The following PTPRO variants were observed in gnomAD, a reference collection of about 807,000 sequenced individuals.
PTPRO encodes the protein protein tyrosine phosphatase receptor type O, also known as receptor-type tyrosine-protein phosphatase O.
In PTPRO, 62 loss-of-function variants were observed where a neutral mutation model predicts 145.2. That is an observed-to-expected ratio of 0.43 (90% CI 0.35 to 0.53). The LOEUF is 0.53. Among genes scored for constraint, PTPRO ranks in the 20% least tolerant of loss-of-function variants. The pLI is 0.01. For synonymous variants in PTPRO, 565 were observed against 514.7 expected (o/e 1.10, Z -1.32); for missense variants, 1,345 against 1,482.7 (o/e 0.91, Z 1.53).
intron 1 of PTPRO, among the ~76,000 whole-genome samples, chr12:15,371,010 A>C (rs546896823): frequency 6.6e-6 from 1 of 152,330 alleles, no homozygotes; most frequent in East Asian, 1.9e-4. Context: ...TGCTAAACAA[A>C]AAAAATGGAT....
In PTPRO at chr12:15,569,475, T is replaced by C. The variant is rs1467069800; in HGVS notation, c.2806T>C (p.Tyr936His). 2 of 1,613,604 alleles carry C rather than the reference T, an allele frequency of 1.2e-6. No homozygotes were observed. The highest frequency in any genetic ancestry group is 1.7e-6 in the Non-Finnish European group (2 of 1,179,574). The part of the protein sequence containing the change: ...YIKDMAKDSD[Y>H]KFSLQFEELK... ...TAAGGATATGGCCAAAGACTCTGACTATAAATTTTCTCTTCAGTTTGAGGT... is the reference window on the plus strand; with the variant it reads ...TAAGGATATGGCCAAAGACTCTGACCATAAATTTTCTCTTCAGTTTGAGGT... The change falls in exon 19 of 27, where the codon TAT becomes CAT. Residue 936 changes from tyrosine to histidine, a missense_variant. By Grantham distance (83) the Tyr-to-His change is moderately conservative (BLOSUM62 2). Coordinates refer to ENST00000281171, the MANE Select transcript of PTPRO (RefSeq NM_030667.3).
chr12:15,491,966 A>T (rs1430207890), intron 2 of PTPRO, among the ~76,000 whole-genome samples: 2 of 152,076 alleles, frequency 1.3e-5, no homozygotes, highest in African/African-American at 4.8e-5. Flanking sequence ...ACAAACAAAC[A>T]AAAACATACA....
chr12:15,330,405 CAT>C (rs1028922641), intron 1 of PTPRO, among the ~76,000 whole-genome samples: 1 of 152,122 alleles, frequency 6.6e-6, no homozygotes, highest in African/African-American at 2.4e-5. Flanking sequence ...CTCAAGATAA[CAT>C]GTGTGCTGGA....
intron 12 of PTPRO, among the ~76,000 whole-genome samples, chr12:15,538,870 G>A (rs1008645864): frequency 5.9e-5 from 9 of 152,150 alleles, no homozygotes; most frequent in Admixed American, 2.6e-4. Context: ...TGTTACCATA[G>A]CAAAGTAACT....
At chr12:15,364,324 A>G (rs975985086) in intron 1 of PTPRO, among the ~76,000 whole-genome samples, 2 of 152,174 alleles carry the variant, frequency 1.3e-5, no homozygotes, top group Non-Finnish European at 2.9e-5. Context: ...TTATTACAGA[A>G]TTGGTAAATT....
At chr12:15,464,578 A>G (rs1941376222) in intron 1 of PTPRO, among the ~76,000 whole-genome samples, 1 of 150,458 alleles carries the variant, frequency 6.6e-6, no homozygotes, top group African/African-American at 2.4e-5. Flanking sequence ...TTGGCCAGGC[A>G]GGTCTCCTGA....
chr12:15,346,486 G>C (rs1449249375), intron 1 of PTPRO: 1 of 152,176 alleles, frequency 6.6e-6, no homozygotes, highest in East Asian at 1.9e-4. Flanking sequence ...TCTGCAGCTT[G>C]TTGGGCACAT....
At chr12:15,461,032 G>A (rs754424091) in intron 1 of PTPRO, among the ~76,000 whole-genome samples, 7 of 152,064 alleles carry the variant, frequency 4.6e-5, no homozygotes, top group Non-Finnish European at 1.0e-4. Flanking sequence ...GGAAGCTGGA[G>A]GTCAGACATG....
intron 1 of PTPRO, among the ~76,000 whole-genome samples, chr12:15,347,292 T>A (rs1202311937): frequency 6.6e-6 from 1 of 152,190 alleles, no homozygotes; most frequent in African/African-American, 2.4e-5. Context: ...TCAAGTGTAG[T>A]TGATTCTTTT....
intron 1 of PTPRO, among the ~76,000 whole-genome samples, chr12:15,362,556 A>T (rs1444800941): frequency 1.3e-5 from 2 of 152,200 alleles, no homozygotes; most frequent in Non-Finnish European, 2.9e-5. Context: ...ATATGATACA[A>T]TATTTACAGA....
At chr12:15,396,716 T>C (rs117157581) in intron 1 of PTPRO, among the ~76,000 whole-genome samples, 2,481 of 152,280 alleles carry the variant, frequency 0.016, 37 homozygotes, top group South Asian at 0.065. Context: ...GTATGGACTT[T>C]TATGATTCTA....
chr12:15,552,899 A>C (rs781221835), intron 15 of PTPRO, among the ~76,000 whole-genome samples: 2 of 143,414 alleles, frequency 1.4e-5, no homozygotes, highest in Non-Finnish European at 3.0e-5. Flanking sequence ...TCTCAGGTTC[A>C]AGCGATTCTT....
chr12:15,500,411 A>G (rs566807025), intron 4 of PTPRO, among the ~76,000 whole-genome samples: 1 of 152,318 alleles, frequency 6.6e-6, no homozygotes, highest in African/African-American at 2.4e-5. Flanking sequence ...TCATTATTCA[A>G]TGTAAGTAGA....
chr12:15,519,052 C>G (rs1209208605), intron 9 of PTPRO, among the ~76,000 whole-genome samples: 1 of 152,144 alleles, frequency 6.6e-6, no homozygotes, highest in Non-Finnish European at 1.5e-5. Context: ...AAAGACATAC[C>G]CAAGACTGGG....
rs1404748180 is a variant in PTPRO, at chr12:15,515,568, G to A, written c.1535G>A (p.Arg512Lys). 2.5e-6 allele frequency: 4 copies of A among 1,613,852 alleles called. No individual in the cohort carries two copies. Among genetic ancestry groups the A allele is most frequent in the Middle Eastern group, 1.6e-4 (1 of 6,080 alleles). Residue 512 changes from arginine to lysine, a missense_variant, in exon 8 of 27, where the codon AGG becomes AAG. This residue lies in a region of PTPRO where 1,130 missense variants were observed against 1,214.7 expected (regional missense o/e 0.93). Coordinates refer to ENST00000281171, the MANE Select transcript of PTPRO (RefSeq NM_030667.3). ...GAQYQVVIYL[R>K]KGPLIGPPSD... is the part of the protein sequence containing the mutation. ...CAGTACCAGGTTGTAATATACCTAA[G>A]GAAAGGCCCTTTGATTGGACCACCT... is the stretch of plus-strand genomic sequence containing the variant.
intron 12 of PTPRO, chr12:15,546,367 A>C: frequency 7.1e-7 from 1 of 1,410,766 alleles, no homozygotes; most frequent in Admixed American, 2.9e-5. Flanking sequence ...AAAAAATGGA[A>C]GGGGGAAAAG....
chr12:15,496,142 G>GTTTTTTTTTTTTTT (rs71042255), intron 2 of PTPRO, among the ~76,000 whole-genome samples: 6 of 75,364 alleles, frequency 8.0e-5, no homozygotes, highest in African/African-American at 1.6e-4. Flanking sequence ...TTCTTTTTTT[G>GTTTTTTTTTTTTTT]TTTTTTTTTT....
chr12:15,583,794 A>G (rs1944374094), intron 23 of PTPRO, among the ~76,000 whole-genome samples: 1 of 152,210 alleles, frequency 6.6e-6, no homozygotes. Context: ...AGAACTTGAT[A>G]CTACCTACTG....
intron 7 of PTPRO, among the ~76,000 whole-genome samples, chr12:15,509,760 T>C (rs1309842537): frequency 6.6e-6 from 1 of 151,780 alleles, no homozygotes; most frequent in Non-Finnish European, 1.5e-5. Context: ...AAAAGAGCTT[T>C]GAAGAATATA....
Sources: allele counts gnomAD v4.1 joint callset (sites outside exome capture counted in the v4.1 genomes callset), GRCh38; gene constraint gnomAD v4.1.1; regional missense constraint gnomAD v4.1.1; transcripts MANE v1.5; gene names NCBI Gene and HGNC (gene_info 2026-07-23, HGNC 2026-07-21).